Variants in SUPT3H observed in about 807,000 individuals in gnomAD.
The protein encoded by SUPT3H is transcription initiation protein SPT3 homolog.
SUPT3H carries 44 observed loss-of-function variants against 44.3 expected under a neutral mutation model. The ratio of observed to expected loss-of-function variants is 0.99; its 90% confidence interval spans 0.78 to 1.28. The LOEUF (loss-of-function observed/expected upper bound fraction) is 1.28, where lower values mean the gene tolerates loss of function less well. Among genes scored for constraint, SUPT3H ranks in the 50% most tolerant of loss-of-function variants. The pLI is 0.00. For synonymous variants in SUPT3H, 124 were observed against 125.6 expected (o/e 0.99, Z 0.09); for missense variants, 380 against 387.1 (o/e 0.98, Z 0.15).
chr6:45,161,041 T>C (rs1384157964), intron 2 of SUPT3H, among the ~76,000 whole-genome samples: 9 of 152,030 alleles, frequency 5.9e-5, no homozygotes, highest in Non-Finnish European at 1.3e-4. Context: ...TTTAAGTGTG[T>C]TCCCCCAACA....
At chr6:45,037,187 C>G (rs1178963654) in intron 3 of SUPT3H, among the ~76,000 whole-genome samples, 1 of 151,374 alleles carries the variant, frequency 6.6e-6, no homozygotes, top group Admixed American at 6.6e-5. Context: ...GATTTCAGAG[C>G]CAAAACGATG....
intron 10 of SUPT3H, among the ~76,000 whole-genome samples, chr6:44,885,792 A>C (rs1762166187): frequency 6.6e-6 from 1 of 152,196 alleles, no homozygotes; most frequent in Admixed American, 6.5e-5. Flanking sequence ...TTGAGAGAAG[A>C]AGGCTTCAGA....
intron 2 of SUPT3H, among the ~76,000 whole-genome samples, chr6:45,171,939 A>T (rs1212383157): frequency 6.6e-6 from 1 of 151,464 alleles, no homozygotes; most frequent in African/African-American, 2.4e-5. Flanking sequence ...GCTGGTCTTG[A>T]ACTCCTGACC....
At chr6:45,116,050 C>A (rs1251339657) in intron 2 of SUPT3H, among the ~76,000 whole-genome samples, 2 of 152,166 alleles carry the variant, frequency 1.3e-5, no homozygotes, top group Non-Finnish European at 2.9e-5. Flanking sequence ...AGATCAGCAG[C>A]CTTCCTTGCT....
intron 5 of SUPT3H, among the ~76,000 whole-genome samples, chr6:45,004,291 C>T (rs1316309659): frequency 3.3e-5 from 5 of 151,608 alleles, no homozygotes; most frequent in East Asian, 1.9e-4. Flanking sequence ...GAATTTTAAA[C>T]GGCCATAAAC....
chr6:45,021,232 T>C (rs1785089579), intron 3 of SUPT3H, among the ~76,000 whole-genome samples: 1 of 151,916 alleles, frequency 6.6e-6, no homozygotes, highest in South Asian at 2.1e-4. Context: ...GTATCTGGAA[T>C]ATACAACACA....
intron 2 of SUPT3H, among the ~76,000 whole-genome samples, chr6:45,256,164 C>T (rs1423233701): frequency 2.0e-5 from 3 of 152,176 alleles, no homozygotes; most frequent in African/African-American, 7.2e-5. Context: ...GTGCAAGACT[C>T]TGTCTCAAAA....
At chr6:45,089,270 T>C (rs2153562049) in intron 3 of SUPT3H, among the ~76,000 whole-genome samples, 1 of 152,178 alleles carries the variant, frequency 6.6e-6, no homozygotes, top group South Asian at 2.1e-4. Flanking sequence ...TGTATCATTC[T>C]AATAAAATTA....
chr6:44,905,465 A>G (rs1288841113), intron 10 of SUPT3H, among the ~76,000 whole-genome samples: 3 of 150,580 alleles, frequency 2.0e-5, no homozygotes, highest in African/African-American at 7.4e-5. Flanking sequence ...CAAAACCACA[A>G]TGAGATACCA....
chr6:45,003,590 C>T, intron 6 of SUPT3H, 63 bp downstream of exon 6: 2 of 1,556,952 alleles, frequency 1.3e-6, no homozygotes, highest in South Asian at 2.4e-5. Context: ...GAGAATAGGA[C>T]CAAACAGCAT....
intron 2 of SUPT3H, among the ~76,000 whole-genome samples, chr6:45,127,763 CTTTT>C (rs925931190): frequency 6.6e-6 from 1 of 152,068 alleles, no homozygotes; most frequent in Non-Finnish European, 1.5e-5. Flanking sequence ...TCAATTTTCA[CTTTT>C]TTTATCTTCT....
Position 44,827,027 on chromosome 6 carries a change from A to C in SUPT3H, c.*2789T>G, listed in dbSNP as rs1767835706. ...GGCACGTTCAGAAAGTTATACTTCCAAATTTAGGTGAAGGGAGAAATATTT... is the reference window on the plus strand; with the variant it reads ...GGCACGTTCAGAAAGTTATACTTCCCAATTTAGGTGAAGGGAGAAATATTT... On this transcript the variant is annotated 3_prime_UTR_variant, in exon 11 of 11. Transcript: ENST00000371459. 6.6e-6 allele frequency among the ~76,000 whole-genome samples: 1 copy of C among 152,198 alleles called. No individual in the cohort carries two copies. The highest frequency in any genetic ancestry group is 1.5e-5 in the Non-Finnish European group (1 of 68,004).
chr6:45,030,944 G>A (rs1203815406), intron 3 of SUPT3H, among the ~76,000 whole-genome samples: 2 of 152,144 alleles, frequency 1.3e-5, no homozygotes, highest in African/African-American at 2.4e-5. Context: ...GGTACATCCC[G>A]AAGAGTGTTC....
At chr6:45,084,797 T>C (rs1394031149) in intron 3 of SUPT3H, among the ~76,000 whole-genome samples, 4 of 152,128 alleles carry the variant, frequency 2.6e-5, no homozygotes, top group African/African-American at 9.7e-5. Context: ...AAGAATGAAA[T>C]CATGTCCTTT....
At chr6:44,853,330 G>A (rs1323400311) in intron 10 of SUPT3H, among the ~76,000 whole-genome samples, 1 of 152,008 alleles carries the variant, frequency 6.6e-6, no homozygotes, top group African/African-American at 2.4e-5. Flanking sequence ...TGATAACCTC[G>A]AGAAGCTCTA....
chr6:45,370,722 C>T (rs1490938177), intron 1 of SUPT3H, among the ~76,000 whole-genome samples: 1 of 152,144 alleles, frequency 6.6e-6, no homozygotes, highest in Non-Finnish European at 1.5e-5. Flanking sequence ...CATCCTTTCT[C>T]TCTGGATGAT....
chr6:45,007,737 C>CT (rs940243414), intron 5 of SUPT3H, among the ~76,000 whole-genome samples: 7,963 of 142,524 alleles, frequency 0.056, 709 homozygotes, highest in African/African-American at 0.19. Context: ...TTCCCCCCCA[C>CT]TTTTTTTTTT....
chr6:45,074,533 G>T (rs1211260669), intron 3 of SUPT3H, among the ~76,000 whole-genome samples: 1 of 151,928 alleles, frequency 6.6e-6, no homozygotes, highest in East Asian at 1.9e-4. Flanking sequence ...ACACCCACTA[G>T]AATACATAAA....
intron 5 of SUPT3H, among the ~76,000 whole-genome samples, chr6:45,014,311 T>C (rs912768296): frequency 6.6e-6 from 1 of 152,134 alleles, no homozygotes. Flanking sequence ...AACTTCATGG[T>C]GTCTGAAGCA....
Sources: allele counts gnomAD v4.1 joint callset (sites outside exome capture counted in the v4.1 genomes callset), GRCh38; gene constraint gnomAD v4.1.1; transcripts MANE v1.5; gene names NCBI Gene and HGNC (gene_info 2026-07-23, HGNC 2026-07-21).